AP3B1: variants seen among roughly 807,000 people sequenced by gnomAD.
The protein encoded by AP3B1 is adaptor related protein complex 3 subunit beta 1, also known as AP-3 complex subunit beta-1.
In AP3B1, 61 loss-of-function variants were observed where a neutral mutation model predicts 132.5. The ratio of observed to expected loss-of-function variants is 0.46; its 90% CI spans 0.37 to 0.57. The LOEUF is 0.57. AP3B1 is among the 20% of genes least tolerant of loss of function. The pLI is 0.00. For synonymous variants in AP3B1, 388 were observed against 438.3 expected, an observed-to-expected ratio of 0.89 and a Z score of 1.43; for missense variants, 1,120 against 1,289.4, an observed-to-expected ratio of 0.87 and a Z score of 2.01.
intron 22 of AP3B1, among the ~76,000 whole-genome samples, chr5:78,051,223 A>G (rs979699571): frequency 2.0e-5 from 3 of 152,152 alleles, no homozygotes; most frequent in Admixed American, 2.0e-4. Context: ...TATCTCCCTA[A>G]TAACAGACAG....
chr5:78,222,297 G>C (rs543199776), intron 6 of AP3B1: 1 of 153,808 alleles, frequency 6.5e-6, no homozygotes, highest in Admixed American at 6.5e-5. Flanking sequence ...GCAGTTCAAG[G>C]TGAAATTGAA....
chr5:78,079,812 CAAT>C (rs761279981), intron 22 of AP3B1, among the ~76,000 whole-genome samples: 11 of 152,186 alleles, frequency 7.2e-5, no homozygotes, highest in South Asian at 6.2e-4. Flanking sequence ...ATCTGAATGA[CAAT>C]CACAAGTATA....
chr5:78,139,801 C>G (rs1258764011), intron 15 of AP3B1, among the ~76,000 whole-genome samples: 1 of 151,894 alleles, frequency 6.6e-6, no homozygotes, highest in Non-Finnish European at 1.5e-5. Flanking sequence ...AAGAGAGAAA[C>G]AAACAGGGAT....
intron 1 of AP3B1, among the ~76,000 whole-genome samples, chr5:78,268,911 A>C (rs1178809140): frequency 6.6e-6 from 1 of 152,206 alleles, no homozygotes; most frequent in Non-Finnish European, 1.5e-5. Context: ...CACGTATGTC[A>C]TAAGGATCTA....
At chr5:78,105,081 TTA>T (rs758428525) in intron 20 of AP3B1, among the ~76,000 whole-genome samples, 3 of 152,278 alleles carry the variant, frequency 2.0e-5, no homozygotes, top group East Asian at 1.9e-4. Flanking sequence ...TTATTATGCT[TTA>T]TATAGTTTAT....
intron 22 of AP3B1, among the ~76,000 whole-genome samples, chr5:78,059,111 G>A (rs1371971404): frequency 1.3e-5 from 2 of 152,186 alleles, no homozygotes; most frequent in Non-Finnish European, 2.9e-5. Context: ...TTCTGGGAGG[G>A]CCCAAGTAAT....
chr5:78,260,259 GC>G (rs1173138235), intron 2 of AP3B1, among the ~76,000 whole-genome samples: 3 of 152,002 alleles, frequency 2.0e-5, no homozygotes, highest in Non-Finnish European at 2.9e-5. Flanking sequence ...TAAATGAAAT[GC>G]CCCCATCACC....
chr5:78,004,330 C>T (rs779155698), intron 26 of AP3B1, among the ~76,000 whole-genome samples: 4 of 152,146 alleles, frequency 2.6e-5, no homozygotes, highest in Admixed American at 1.3e-4. Flanking sequence ...ACAGAGCCCA[C>T]GGTGTCCACA....
chr5:78,165,239 T>C (rs769318769), intron 12 of AP3B1, among the ~76,000 whole-genome samples: 1 of 152,138 alleles, frequency 6.6e-6, no homozygotes, highest in African/African-American at 2.4e-5. Context: ...AAAATAGTCA[T>C]AGGTCAATAA....
At chr5:78,142,629 T>C (rs1041372771) in intron 14 of AP3B1, among the ~76,000 whole-genome samples, 1 of 141,152 alleles carries the variant, frequency 7.1e-6, no homozygotes, top group Admixed American at 7.3e-5. Flanking sequence ...TGAAATTATA[T>C]AAAAATATTA....
intron 15 of AP3B1, among the ~76,000 whole-genome samples, chr5:78,136,859 A>G (rs985813208): frequency 2.0e-5 from 3 of 152,138 alleles, no homozygotes; most frequent in African/African-American, 7.2e-5. Flanking sequence ...AGAAGCATAC[A>G]TGTTGCAATA....
At chr5:78,139,003 T>A (rs1580397010) in intron 15 of AP3B1, among the ~76,000 whole-genome samples, 3 of 121,078 alleles carry the variant, frequency 2.5e-5, no homozygotes, top group South Asian at 2.6e-4. Flanking sequence ...CTTCAGAAAC[T>A]GAGCTCCAAA....
intron 22 of AP3B1, among the ~76,000 whole-genome samples, chr5:78,039,838 A>AT (rs1747990930): frequency 6.6e-6 from 1 of 150,700 alleles, no homozygotes; most frequent in Non-Finnish European, 1.5e-5. Flanking sequence ...ACCTCCAAGC[A>AT]TATATTAATA....
At chr5:78,146,955 A>C (rs1753426494) in intron 14 of AP3B1, among the ~76,000 whole-genome samples, 1 of 152,046 alleles carries the variant, frequency 6.6e-6, no homozygotes, top group Non-Finnish European at 1.5e-5. Context: ...ATTTTTTGAA[A>C]ATATTCACTG....
intron 20 of AP3B1, among the ~76,000 whole-genome samples, chr5:78,103,031 A>C (rs914855203): frequency 2.0e-5 from 3 of 152,188 alleles, no homozygotes; most frequent in Non-Finnish European, 2.9e-5. Context: ...CTGAAATATA[A>C]CATTAGCAAT....
intron 7 of AP3B1, among the ~76,000 whole-genome samples, chr5:78,207,484 G>A (rs1260059830): frequency 6.6e-6 from 1 of 151,898 alleles, no homozygotes; most frequent in Admixed American, 6.6e-5. Context: ...GATGGACATG[G>A]TAGACAAAGA....
chr5:78,010,727 G>A (rs1746585727), intron 26 of AP3B1, among the ~76,000 whole-genome samples: 1 of 151,996 alleles, frequency 6.6e-6, no homozygotes, highest in Admixed American at 6.6e-5. Context: ...GAACACATGA[G>A]GTCTTGCCCT....
chr5:78,160,882 C>A (rs1743360855), intron 13 of AP3B1, among the ~76,000 whole-genome samples: 1 of 151,570 alleles, frequency 6.6e-6, no homozygotes, highest in Non-Finnish European at 1.5e-5. Context: ...TTCCAAACTA[C>A]AAAAAATAGT....
chr5:78,135,781 ATTG>A (rs72465324), intron 15 of AP3B1, among the ~76,000 whole-genome samples: 4,190 of 152,264 alleles, frequency 0.028, 189 homozygotes, highest in African/African-American at 0.092. Flanking sequence ...TAACTTTTAA[ATTG>A]TTATTAATTT....
Sources: allele counts gnomAD v4.1 joint callset (sites outside exome capture counted in the v4.1 genomes callset), GRCh38; gene constraint gnomAD v4.1.1; transcripts MANE v1.5; gene names NCBI Gene and HGNC (gene_info 2026-07-23, HGNC 2026-07-21).